The following ABCA7 variants were observed in gnomAD, a reference collection of about 807,000 sequenced individuals.
The protein encoded by ABCA7 is ATP binding cassette subfamily A member 7.
ABCA7 carries 261 observed loss-of-function variants against 227.6 expected under a neutral mutation model. The observed-to-expected ratio is 1.15, with a 90% confidence interval of 1.04 to 1.27. The LOEUF (loss-of-function observed/expected upper bound fraction) is 1.27, where lower values mean the gene tolerates loss of function less well. Among genes scored for constraint, ABCA7 ranks in the 50% most tolerant of loss-of-function variants. The pLI is 0.00. For synonymous variants in ABCA7, 1,488 were observed against 1,279.7 expected (o/e 1.16, Z -3.47); for missense variants, 3,331 against 2,924.5 (o/e 1.14, Z -3.21).
chr19:1,047,584 C>G lies in ABCA7; in HGVS notation c.2199C>G (p.Val733=), dbSNP rs1568282398. 17 of 1,603,462 alleles carry G rather than the reference C, an allele frequency of 1.1e-5. No individual in the cohort carries two copies. Among genetic ancestry groups the G allele is most frequent in the Non-Finnish European group, 1.4e-5 (17 of 1,179,304 alleles). Residue 733 remains valine (V), a synonymous_variant, in exon 16 of 47, where the codon GTC becomes GTG. Transcript: ENST00000263094. The stretch of plus-strand genomic sequence containing the variant: ...CAGACGTCTTCAGCCTGGCCCAGGT[C>G]TCTGGCCTTCTGCTGCTGGACGCGG... The part of the protein sequence containing the change: ...PTADVFSLAQ[V]SGLLLLDAAL...
chr19:1,049,167 C>T lies in ABCA7; in HGVS notation c.2381-99C>T, dbSNP rs970746493. 2.8e-5 allele frequency: 40 copies of T among 1,405,186 alleles called. 1 individual carries two copies. Among genetic ancestry groups the T allele is most frequent in the Non-Finnish European group, 3.9e-5 (40 of 1,031,840 alleles). The allele number at this position is 1,405,186 out of a possible 1,614,324, so 87.0% of individuals were successfully genotyped here. ...AAGCTCCCGCAGCTTTTATAGGCCC[C>T]GGCCCAGCAGGTCCCGGATTCCACA... is the stretch of plus-strand genomic sequence containing the variant. On this transcript the variant is annotated intron_variant, in intron 17 of 46. Coordinates refer to ENST00000263094, the MANE Select transcript of ABCA7 (RefSeq NM_019112.4).
Position 1,064,917 on chromosome 19 carries a change from C to T in ABCA7, c.6045-14C>T. 2 of 1,557,366 alleles carry T rather than the reference C, an allele frequency of 1.3e-6. No homozygotes were observed. Among genetic ancestry groups the T allele is most frequent in the Non-Finnish European group, 1.7e-6 (2 of 1,152,052 alleles). ...AAAGGCCCGATCCGGTAGCCCTGGC[C>T]CCACTCACTGCAGATTCGCGGCGGG... On this transcript the variant is annotated splice_polypyrimidine_tract_variant and intron_variant, in intron 45 of 46. Transcript: ENST00000263094.
At chr19:1,048,860 G>T in intron 16 of ABCA7, 35 bp from the exon 17 acceptor site, 1 of 1,304,768 alleles carries the variant, frequency 7.7e-7, no homozygotes, top group Admixed American at 2.2e-5. Context: ...CTCCTGGGGG[G>T]TGGGCTAAGC....
In ABCA7 at chr19:1,046,380, GC is replaced by G. The variant is rs1387237408; in HGVS notation, c.1599del (p.Tyr534IlefsTer13). 7 of 1,584,378 alleles carry G rather than the reference GC, an allele frequency of 4.4e-6. No individual in the cohort carries two copies. In the African/African-American group the frequency reaches 9.4e-5, roughly 21 times the overall value. On this transcript the variant is annotated frameshift_variant, in exon 13 of 47. Coordinates refer to ENST00000263094, the MANE Select transcript of ABCA7 (RefSeq NM_019112.4). LOFTEE classifies it high-confidence loss of function. ...GGGCCGGCCTCTACCTGCAGCAGAT[GC>G]CCTATCCGTGCTATGTGGACGACGT... is the stretch of plus-strand genomic sequence containing the variant. ...PRAGLYLQQM[P>X]YPCYVDDVFL...
rs2040094036 is a variant in ABCA7, at chr19:1,042,048, C to G, written c.303-16C>G. On this transcript the variant is annotated splice_polypyrimidine_tract_variant and intron_variant, in intron 4 of 46. Transcript: ENST00000263094. ...GCCGGCCGGAACCCCGCCTCCTGCCCTCTCTCTGTCCCCAGGGTCTCCCGG... is the reference window on the plus strand; with the variant it reads ...GCCGGCCGGAACCCCGCCTCCTGCCGTCTCTCTGTCCCCAGGGTCTCCCGG... The G allele has an allele frequency of 6.3e-7, 1 of 1,582,466 alleles. No homozygotes were observed. The highest frequency in any genetic ancestry group is 8.5e-7 in the Non-Finnish European group (1 of 1,171,464).
Position 1,046,970 on chromosome 19 carries a change from C to G in ABCA7, c.1791C>G (p.Leu597=). ...SRAVLWLGWF[L]SCLGPFLLSA... ...CGGTGCTCTGGCTAGGCTGGTTCCT[C>G]AGCTGCCTCGGGCCCTTCCTGCTCA... is the stretch of plus-strand genomic sequence containing the variant. Residue 597 remains leucine (L), a synonymous_variant, in exon 14 of 47, where the codon CTC becomes CTG. Coordinates refer to ENST00000263094, the MANE Select transcript of ABCA7 (RefSeq NM_019112.4). The G allele has an allele frequency of 2.5e-6, 4 of 1,583,918 alleles. No individual in the cohort carries two copies. The highest frequency in any genetic ancestry group is 2.6e-6 in the Non-Finnish European group (3 of 1,168,836).
intron 29 of ABCA7, 88 bp from the exon 30 acceptor site, chr19:1,055,009 G>C (rs1302089098): frequency 3.3e-6 from 5 of 1,531,466 alleles, no homozygotes; most frequent in Non-Finnish European, 4.4e-6. Flanking sequence ...AGCCTCTGTG[G>C]CTCCAGGAAC....
At chr19:1,064,550 A>C in intron 45 of ABCA7, 1 of 262,608 alleles carries the variant, frequency 3.8e-6, no homozygotes, top group Non-Finnish European at 6.6e-6. Context: ...GGGTGGAGTT[A>C]GGGGAGGGCC....
chr19:1,046,498 G>T (rs1183974698), intron 13 of ABCA7, 92 bp downstream of exon 13: 2 of 1,485,588 alleles, frequency 1.3e-6, no homozygotes, highest in African/African-American at 2.8e-5. Flanking sequence ...CCTTCCTGCG[G>T]TCCAGGCTGC....
chr19:1,047,074 G>A, intron 14 of ABCA7, 50 bp downstream of exon 14: 3 of 1,551,376 alleles, frequency 1.9e-6, no homozygotes, highest in Non-Finnish European at 8.7e-7. Context: ...GCTGGAGGGT[G>A]ACAGACAGGG....
rs146619749 is a variant in ABCA7 at position 1,063,563 on chromosome 19, C to A, written c.5732C>A (p.Ala1911Glu). 22 of 1,610,558 alleles carry A rather than the reference C, an allele frequency of 1.4e-5. No homozygotes were observed. The highest frequency in any genetic ancestry group is 6.7e-5 in the Admixed American group (4 of 59,998). ...QVAQTAGSGL[A>E]RLGLSWYADR... ...CCACAGACCGCTGGCTCGGGCCTGG[C>A]GCGTCTGGGACTCTCATGGTACGCA... Residue 1911 changes from alanine to glutamate, a missense_variant, in exon 43 of 47, where the codon GCG becomes GAG. Physicochemically the swap from Ala to Glu is moderately radical, Grantham distance 107. Coordinates refer to ENST00000263094, the MANE Select transcript of ABCA7 (RefSeq NM_019112.4).
At chr19:1,041,797 C>T in intron 3 of ABCA7, 34 bp from the exon 4 acceptor site, 1 of 1,599,638 alleles carries the variant, frequency 6.3e-7, no homozygotes, top group South Asian at 1.1e-5. Context: ...CAGGCAGAGT[C>T]CACAGGGCCT....
chr19:1,059,542 A>T (rs1212805589), intron 40 of ABCA7, among the ~76,000 whole-genome samples: 1 of 120,978 alleles, frequency 8.3e-6, no homozygotes, highest in Non-Finnish European at 1.8e-5. Flanking sequence ...TGGGATTACA[A>T]GCGTGAGCCA....
rs777243085 is a variant in ABCA7 at position 1,065,265 on chromosome 19, G to A, written c.6286-5G>A. The A allele has an allele frequency of 3.1e-6, 5 of 1,613,026 alleles. No homozygotes were observed. In the Admixed American group the frequency reaches 6.7e-5, roughly 22 times the overall value. On this transcript the variant is annotated splice_polypyrimidine_tract_variant and splice_region_variant and intron_variant, in intron 46 of 46. Coordinates refer to ENST00000263094, the MANE Select transcript of ABCA7 (RefSeq NM_019112.4). Reference sequence around the variant, plus strand: ...TCTTGTCCCCTCTGGGCTGCCCACCGCTAGGTATTCTTGTACTTCTCCAAG... The same window carrying A: ...TCTTGTCCCCTCTGGGCTGCCCACCACTAGGTATTCTTGTACTTCTCCAAG...
intron 44 of ABCA7, 53 bp downstream of exon 44, chr19:1,063,916 G>A: frequency 6.8e-7 from 1 of 1,479,256 alleles, no homozygotes; most frequent in South Asian, 1.3e-5. Flanking sequence ...CAGGCCTGGA[G>A]AGAGAGCCCC....
Position 1,061,895 on chromosome 19 carries a change from G to C in ABCA7, c.5570+7G>C. ...CTGTGCTGGCAGGCCACAGGTGAGGGGTGCCAGGTAGGGTCAGGGTGGGGC... is the reference window on the plus strand; with the variant it reads ...CTGTGCTGGCAGGCCACAGGTGAGGCGTGCCAGGTAGGGTCAGGGTGGGGC... On this transcript the variant is annotated splice_region_variant and intron_variant, in intron 41 of 46. Coordinates refer to ENST00000263094, the MANE Select transcript of ABCA7 (RefSeq NM_019112.4). The C allele has an allele frequency of 6.3e-7, 1 of 1,579,730 alleles. No homozygotes were observed. The highest frequency in any genetic ancestry group is 8.6e-7 in the Non-Finnish European group (1 of 1,165,656).
Position 1,043,062 on chromosome 19 carries a change from G to T in ABCA7, c.601G>T (p.Val201Leu). 6.2e-7 allele frequency: 1 copy of T among 1,607,978 alleles called. No homozygotes were observed. The highest frequency in any genetic ancestry group is 2.2e-5 in the East Asian group (1 of 44,742). Residue 201 changes from valine (V) to leucine (L), a missense_variant, in exon 8 of 47, where the codon GTG (valine) becomes TTG (leucine). By Grantham distance (32) the Val-to-Leu change is conservative (BLOSUM62 1). Transcript: ENST00000263094. ...CTAGCTCCTGGCGCTGCGCAGCCTG[G>T]TGGAGCTTCGGGCACTGCTGCAGAG... is the stretch of plus-strand genomic sequence containing the variant. Reference protein sequence around the residue: ...AQELLALRSLVELRALLQRPR... With the variant: ...AQELLALRSLLELRALLQRPR...
At position 1,064,270 on chromosome 19, in the gene ABCA7, T is replaced by C; in HGVS notation, c.6044+17T>C. On this transcript the variant is annotated intron_variant, in intron 45 of 46. Transcript: ENST00000263094. ...CAAGGGCAGGTGAGCCGGCGCGGCCTCCAGGCAGGTGTGGGGTGAGGGTGG... is the reference window on the plus strand; with the variant it reads ...CAAGGGCAGGTGAGCCGGCGCGGCCCCCAGGCAGGTGTGGGGTGAGGGTGG... 6.5e-7 allele frequency: 1 copy of C among 1,545,358 alleles called. No homozygotes were observed. Among genetic ancestry groups the C allele is most frequent in the Non-Finnish European group, 8.7e-7 (1 of 1,146,008 alleles).
Position 1,041,864 on chromosome 19 carries a change from G to A in ABCA7, c.194G>A (p.Gly65Asp). 1.9e-6 allele frequency: 3 copies of A among 1,599,210 alleles called. No individual in the cohort carries two copies. The highest frequency in any genetic ancestry group is 2.5e-6 in the Non-Finnish European group (3 of 1,177,334). ...CCAAACAAGCCACTGCCATCGGCGG[G>A]CACCGTGCCCTGGCTCCAGGGTCTC... ...HFPNKPLPSA[G>D]TVPWLQGLIC... The change falls in exon 4 of 47, where the codon GGC becomes GAC. Residue 65 changes from glycine (G) to aspartate (D), a missense_variant. Coordinates refer to ENST00000263094, the MANE Select transcript of ABCA7 (RefSeq NM_019112.4).
Sources: allele counts gnomAD v4.1 joint callset (sites outside exome capture counted in the v4.1 genomes callset), GRCh38; gene constraint gnomAD v4.1.1; transcripts MANE v1.5; gene names NCBI Gene and HGNC (gene_info 2026-07-23, HGNC 2026-07-21).